Variants in BEND3 observed in about 807,000 individuals in gnomAD.
BEND3 encodes BEN domain containing 3.
A neutral mutation model predicts 60.1 loss-of-function variants in BEND3; 13 were observed. The ratio of observed to expected loss-of-function variants is 0.22; its 90% confidence interval spans 0.14 to 0.34. The LOEUF is 0.34. Ranked by LOEUF, BEND3 falls within the 10% of genes least tolerant of loss-of-function variation. The pLI, the probability that BEND3 is intolerant of heterozygous loss-of-function variation, is 1.00. For missense variants in BEND3, 896 were observed against 1,138.1 expected (o/e 0.79, Z 3.06); for synonymous variants, 497 against 491.5 (o/e 1.01, Z -0.15).
rs1407541842 is a variant in BEND3 at position 107,065,922 on chromosome 6, G to A, written c.*2782C>T. ...AAACATTTGTTGTCCTGTAGACACA[G>A]CCAAGGTGAACTGAAGGGGGATGCG... On this transcript the variant is annotated 3_prime_UTR_variant, in exon 4 of 4. Coordinates refer to ENST00000369042, the MANE Select transcript of BEND3 (RefSeq NM_001367314.1). The A allele has an allele frequency of 3.3e-5, 5 of 152,526 alleles. No individual in the cohort carries two copies. The highest frequency in any genetic ancestry group is 5.9e-5 in the Non-Finnish European group (4 of 68,036). 9.4% of individuals were successfully genotyped at this position (152,526 alleles called of 1,614,324 possible).
At chr6:107,097,973 T>A (rs1775622966) in intron 3 of BEND3, among the ~76,000 whole-genome samples, 1 of 152,100 alleles carries the variant, frequency 6.6e-6, no homozygotes, top group South Asian at 2.1e-4. Flanking sequence ...TTTGTTTGGA[T>A]CTGCCCTAAC....
At chr6:107,071,483 C>G (rs1218963787) in intron 3 of BEND3, among the ~76,000 whole-genome samples, 2 of 152,148 alleles carry the variant, frequency 1.3e-5, no homozygotes, top group Non-Finnish European at 2.9e-5. Flanking sequence ...GAAGGCTCAT[C>G]TGGGATGCAT....
chr6:107,113,366 A>C (rs2115044316), intron 1 of BEND3, among the ~76,000 whole-genome samples: 1 of 140,144 alleles, frequency 7.1e-6, no homozygotes, highest in South Asian at 2.5e-4. Context: ...TGAACCCGGG[A>C]GGCAGACGTT....
intron 1 of BEND3, among the ~76,000 whole-genome samples, chr6:107,099,697 T>A (rs1334520645): frequency 6.6e-6 from 1 of 152,152 alleles, no homozygotes; most frequent in African/African-American, 2.4e-5. Flanking sequence ...TCCTGAAATC[T>A]TAGGACTTAC....
At chr6:107,076,723 G>A (rs747039758) in intron 3 of BEND3, among the ~76,000 whole-genome samples, 2 of 152,200 alleles carry the variant, frequency 1.3e-5, no homozygotes, top group African/African-American at 4.8e-5. Context: ...GGGAAGCAGA[G>A]AGGCCATGTG....
At chr6:107,086,689 T>C (rs1208344036) in intron 3 of BEND3, among the ~76,000 whole-genome samples, 4 of 151,918 alleles carry the variant, frequency 2.6e-5, no homozygotes, top group Non-Finnish European at 5.9e-5. Context: ...ATTGAAGGAC[T>C]ATTCACAGGA....
At chr6:107,072,352 T>G (rs369670479) in intron 3 of BEND3, among the ~76,000 whole-genome samples, 21 of 152,208 alleles carry the variant, frequency 1.4e-4, no homozygotes, top group Admixed American at 1.4e-3. Context: ...TGGGCCTGCA[T>G]CTCTAATAAG....
chr6:107,072,139 G>A (rs1208094892), intron 3 of BEND3, among the ~76,000 whole-genome samples: 1 of 152,238 alleles, frequency 6.6e-6, no homozygotes, highest in Non-Finnish European at 1.5e-5. Flanking sequence ...TGGGTGTCGG[G>A]GGAGCAGGGA....
At chr6:107,090,729 G>A (rs1313413305) in intron 3 of BEND3, among the ~76,000 whole-genome samples, 2 of 151,996 alleles carry the variant, frequency 1.3e-5, no homozygotes, top group African/African-American at 4.8e-5. Context: ...GCTTGGACTA[G>A]TTGTAAATAT....
intron 3 of BEND3, among the ~76,000 whole-genome samples, chr6:107,087,023 T>TA (rs58435912): frequency 0.15 from 12,423 of 80,570 alleles, 768 homozygotes; most frequent in Middle Eastern, 0.25. Flanking sequence ...AGACTCTGTC[T>TA]AAAAAAAAAA....
intron 3 of BEND3, among the ~76,000 whole-genome samples, chr6:107,073,138 A>G (rs2114998012): frequency 6.9e-6 from 1 of 145,918 alleles, no homozygotes; most frequent in Non-Finnish European, 1.5e-5. Context: ...TTATAAAGGG[A>G]CTCGTAAGTG....
At chr6:107,103,904 C>T (rs1554237011) in intron 1 of BEND3, among the ~76,000 whole-genome samples, 2 of 146,156 alleles carry the variant, frequency 1.4e-5, no homozygotes, top group East Asian at 2.0e-4. Context: ...GCCGAGATCG[C>T]GCCATTCAAC....
intron 3 of BEND3, among the ~76,000 whole-genome samples, chr6:107,071,373 T>C (rs2114996095): frequency 6.7e-6 from 1 of 150,244 alleles, no homozygotes; most frequent in Middle Eastern, 3.4e-3. Flanking sequence ...CTTCGTCTGC[T>C]CTCAGGAAGG....
rs1411329228 is a variant in BEND3 at position 107,065,215 on chromosome 6, T to C, written c.*3489A>G. On this transcript the variant is annotated 3_prime_UTR_variant, in exon 4 of 4. Transcript: ENST00000369042. ...TTTTTATAACATTTTATATAACTCA[T>C]AAAACAGTGTTTGTATAAAAATTCA... 5 of 152,616 alleles carry C rather than the reference T, an allele frequency of 3.3e-5. No homozygotes were observed. Among genetic ancestry groups the C allele is most frequent in the African/African-American group, 1.2e-4 (5 of 41,446 alleles). The allele number at this position is 152,616 out of a possible 1,614,324, so 9.5% of individuals were successfully genotyped here. A position where few individuals can be genotyped will look rare whatever the true frequency, so the allele number is the denominator to read the frequency against.
At chr6:107,102,211 T>C (rs919486388) in intron 1 of BEND3, among the ~76,000 whole-genome samples, 4 of 152,178 alleles carry the variant, frequency 2.6e-5, no homozygotes, top group Admixed American at 6.5e-5. Flanking sequence ...CGCCCAACCA[T>C]GTGTCTCTGG....
intron 1 of BEND3, 82 bp from the exon 2 acceptor site, chr6:107,099,378 AC>A: frequency 8.5e-7 from 1 of 1,174,554 alleles, no homozygotes; most frequent in Non-Finnish European, 1.3e-6. Context: ...AAATCCTCTT[AC>A]CCTCCCAACC....
intron 3 of BEND3, among the ~76,000 whole-genome samples, chr6:107,096,267 C>T (rs1775583031): frequency 6.6e-6 from 1 of 152,114 alleles, no homozygotes; most frequent in African/African-American, 2.4e-5. Context: ...AAACATTATG[C>T]TAAGAAGCCA....
chr6:107,086,348 G>A (rs988395666), intron 3 of BEND3, among the ~76,000 whole-genome samples: 6 of 152,140 alleles, frequency 3.9e-5, no homozygotes, highest in Non-Finnish European at 8.8e-5. Flanking sequence ...GACCTGGCCA[G>A]GCGCATGTTG....
chr6:107,104,146 C>T (rs1318087312), intron 1 of BEND3, among the ~76,000 whole-genome samples: 1 of 151,088 alleles, frequency 6.6e-6, no homozygotes, highest in African/African-American at 2.4e-5. Context: ...AAAAATTAGC[C>T]AGGCGTGGTG....
Sources: allele counts gnomAD v4.1 joint callset (sites outside exome capture counted in the v4.1 genomes callset), GRCh38; gene constraint gnomAD v4.1.1; transcripts MANE v1.5; gene names NCBI Gene and HGNC (gene_info 2026-07-23, HGNC 2026-07-21).